SPRED1: variants seen among roughly 807,000 people sequenced by gnomAD.
The protein encoded by SPRED1 is sprouty related EVH1 domain containing 1, also known as sprouty-related, EVH1 domain-containing protein 1.
In SPRED1, 18 loss-of-function variants were observed where a neutral mutation model predicts 52.3. The observed-to-expected ratio is 0.34, with a 90% CI of 0.24 to 0.51. The LOEUF (loss-of-function observed/expected upper bound fraction) is 0.51. SPRED1 is among the 20% of genes least tolerant of loss of function. The pLI, the probability that SPRED1 is intolerant of heterozygous loss-of-function variation, is 0.97. For synonymous variants in SPRED1, 155 were observed against 179.7 expected, an observed-to-expected ratio of 0.86 and a Z score of 1.10; for missense variants, 485 against 551.0, an observed-to-expected ratio of 0.88 and a Z score of 1.20.
intron 1 of SPRED1, among the ~76,000 whole-genome samples, chr15:38,272,542 T>G (rs950216687): frequency 6.6e-6 from 1 of 152,156 alleles, no homozygotes; most frequent in African/African-American, 2.4e-5. Flanking sequence ...AGTGCTGGGA[T>G]TACAGGTGTG....
chr15:38,349,012 C>G (rs1371101810), intron 5 of SPRED1, among the ~76,000 whole-genome samples: 1 of 152,008 alleles, frequency 6.6e-6, no homozygotes, highest in Non-Finnish European at 1.5e-5. Context: ...ATATCACTTC[C>G]CAAAAAACCC....
intron 2 of SPRED1, among the ~76,000 whole-genome samples, chr15:38,312,097 ATACT>A (rs1269560908): frequency 2.6e-5 from 4 of 152,230 alleles, no homozygotes; most frequent in Admixed American, 6.5e-5. Context: ...AAATTTATAC[ATACT>A]TTTTTGTTTA....
At chr15:38,286,476 A>T (rs1040495172) in intron 1 of SPRED1, among the ~76,000 whole-genome samples, 1 of 151,666 alleles carries the variant, frequency 6.6e-6, no homozygotes, top group African/African-American at 2.4e-5. Flanking sequence ...TCTGCAAACA[A>T]GAATAATTTT....
At chr15:38,304,744 A>G (rs1283103706) in intron 2 of SPRED1, among the ~76,000 whole-genome samples, 1 of 152,076 alleles carries the variant, frequency 6.6e-6, no homozygotes, top group Admixed American at 6.6e-5. Context: ...GAACTGTTCC[A>G]TTTGAGGAAT....
intron 1 of SPRED1, among the ~76,000 whole-genome samples, chr15:38,286,009 C>A (rs1454803019): frequency 6.6e-6 from 1 of 151,816 alleles, no homozygotes; most frequent in African/African-American, 2.4e-5. Flanking sequence ...TTTGGGAGGC[C>A]AAGGAGGGAG....
intron 4 of SPRED1, among the ~76,000 whole-genome samples, chr15:38,338,038 T>TAAAAAA (rs66632536): frequency 1.1e-5 from 1 of 88,910 alleles, no homozygotes; most frequent in Non-Finnish European, 2.2e-5. Context: ...CCATTGCTAC[T>TAAAAAA]AAAAAAAAAA....
chr15:38,295,958 G>A (rs1895028134), intron 1 of SPRED1, among the ~76,000 whole-genome samples: 1 of 152,114 alleles, frequency 6.6e-6, no homozygotes, highest in African/African-American at 2.4e-5. Context: ...GGAACTTTTG[G>A]TTGTGACCAG....
intron 2 of SPRED1, among the ~76,000 whole-genome samples, chr15:38,307,350 T>C (rs547465377): frequency 2.4e-4 from 36 of 152,284 alleles, no homozygotes; most frequent in Middle Eastern, 6.8e-3. Flanking sequence ...CTCACAGTTA[T>C]GGAAGGTGGG....
chr15:38,336,295 A>G (rs1895913007), intron 4 of SPRED1, among the ~76,000 whole-genome samples: 1 of 151,388 alleles, frequency 6.6e-6, no homozygotes, highest in Admixed American at 6.6e-5. Context: ...TTTCTTGCAT[A>G]TGCATGCTTA....
At chr15:38,345,308 C>G (rs1163843738) in intron 5 of SPRED1, among the ~76,000 whole-genome samples, 3 of 152,218 alleles carry the variant, frequency 2.0e-5, no homozygotes, top group African/African-American at 7.2e-5. Context: ...AACACATTCT[C>G]TACCTAAAAT....
chr15:38,290,046 A>G (rs1894888868), intron 1 of SPRED1, among the ~76,000 whole-genome samples: 1 of 152,138 alleles, frequency 6.6e-6, no homozygotes, highest in African/African-American at 2.4e-5. Flanking sequence ...ATCCTTTTAT[A>G]TTTTAATGGC....
rs146221409 is a variant in SPRED1 at position 38,293,220 on chromosome 15, C to T, written c.33-6153C>T. Among the ~76,000 whole-genome samples, 1,481 of 149,186 alleles carry T rather than the reference C, an allele frequency of 9.9e-3. 26 individuals carry two copies. Among genetic ancestry groups the T allele is most frequent in the African/African-American group, 0.035 (1,405 of 40,602 alleles). On this transcript the variant is annotated intron_variant, in intron 1 of 6. Coordinates refer to ENST00000299084, the MANE Select transcript of SPRED1 (RefSeq NM_152594.3). The stretch of plus-strand genomic sequence containing the variant: ...GCTCAAGTAATTTTCCTGCCTCAGC[C>T]TCCTGAGTAGTTGGGACTACAGGCA...
intron 2 of SPRED1, among the ~76,000 whole-genome samples, chr15:38,310,597 T>A (rs1895346586): frequency 6.6e-6 from 1 of 152,234 alleles, no homozygotes; most frequent in Non-Finnish European, 1.5e-5. Context: ...TGTGTCTCTG[T>A]TTAGGTCTTT....
At chr15:38,298,097 G>A (rs1323677212) in intron 1 of SPRED1, among the ~76,000 whole-genome samples, 1 of 151,958 alleles carries the variant, frequency 6.6e-6, no homozygotes, top group African/African-American at 2.4e-5. Context: ...TGGCCAAAAA[G>A]CACATGAAAA....
At chr15:38,284,872 A>T (rs1439632896) in intron 1 of SPRED1, among the ~76,000 whole-genome samples, 2 of 146,352 alleles carry the variant, frequency 1.4e-5, no homozygotes, top group African/African-American at 5.1e-5. Flanking sequence ...TTTTTTTTTT[A>T]AACCTATTTG....
intron 1 of SPRED1, among the ~76,000 whole-genome samples, chr15:38,262,537 T>G (rs1286690393): frequency 1.3e-5 from 2 of 152,090 alleles, no homozygotes; most frequent in African/African-American, 4.8e-5. Context: ...AAGAAAAAGT[T>G]GGAGGAAAGG....
At chr15:38,293,704 T>C (rs1437685122) in intron 1 of SPRED1, among the ~76,000 whole-genome samples, 4 of 152,220 alleles carry the variant, frequency 2.6e-5, no homozygotes, top group Non-Finnish European at 4.4e-5. Context: ...AATAGAGTAC[T>C]AACCTTGAGC....
chr15:38,291,744 A>G (rs1233767885), intron 1 of SPRED1, among the ~76,000 whole-genome samples: 1 of 152,180 alleles, frequency 6.6e-6, no homozygotes, highest in South Asian at 2.1e-4. Context: ...TACACAGGAC[A>G]TGAAGTCCTT....
chr15:38,305,342 C>A (rs926410601), intron 2 of SPRED1, among the ~76,000 whole-genome samples: 88 of 131,450 alleles, frequency 6.7e-4, no homozygotes, highest in South Asian at 1.7e-3. Flanking sequence ...AAATAAAAAA[C>A]AAAAAAAAAA....
Sources: gnomAD v4.1 joint callset for allele counts (sites outside exome capture counted in the v4.1 genomes callset) on GRCh38, gnomAD v4.1.1 for gene constraint, MANE v1.5 for transcripts, NCBI Gene and HGNC (gene_info 2026-07-23, HGNC 2026-07-21) for gene names.